Variants in LRMDA observed in about 807,000 individuals in gnomAD.
The protein encoded by LRMDA is leucine rich melanocyte differentiation associated.
LRMDA carries 18 observed loss-of-function variants against 29.8 expected under a neutral mutation model. That is an observed-to-expected ratio of 0.60 (90% CI 0.42 to 0.90). LRMDA has a LOEUF of 0.90. LRMDA is among the 40% of genes least tolerant of loss of function. LRMDA has a pLI of 0.00. For synonymous variants in LRMDA, 125 were observed against 109.4 expected (o/e 1.14, Z -0.89); for missense variants, 273 against 273.9 (o/e 1.00, Z 0.02).
intron 5 of LRMDA, among the ~76,000 whole-genome samples, chr10:76,186,508 G>A (rs1194499771): frequency 1.3e-5 from 2 of 152,208 alleles, no homozygotes; most frequent in East Asian, 3.8e-4. Context: ...TGAGCATTTT[G>A]AGCCCAGGCT....
chr10:76,492,796 T>C (rs11001799), intron 6 of LRMDA, among the ~76,000 whole-genome samples: 38,546 of 151,898 alleles, frequency 0.25, 5,731 homozygotes, highest in Non-Finnish European at 0.34. Flanking sequence ...AAGCCCTTTA[T>C]AAAACCATCA....
chr10:75,732,507 T>C (rs1400693871), intron 2 of LRMDA, among the ~76,000 whole-genome samples: 1 of 152,222 alleles, frequency 6.6e-6, no homozygotes, highest in African/African-American at 2.4e-5. Context: ...TGGAAGTCAA[T>C]TGCAATTTAG....
chr10:76,341,146 G>A (rs560801659), intron 6 of LRMDA, among the ~76,000 whole-genome samples: 2 of 152,250 alleles, frequency 1.3e-5, no homozygotes, highest in African/African-American at 2.4e-5. Flanking sequence ...TGTTGTAGTC[G>A]TTATAGTGTT....
chr10:75,986,666 A>C (rs925514125), intron 2 of LRMDA, among the ~76,000 whole-genome samples: 3 of 152,260 alleles, frequency 2.0e-5, no homozygotes, highest in Admixed American at 6.5e-5. Context: ...CCATCTGGAA[A>C]GACCTGTTAC....
chr10:76,307,675 G>A lies in LRMDA; in HGVS notation c.517-16726G>A, dbSNP rs77300335. 5.4e-3 allele frequency among the ~76,000 whole-genome samples: 824 copies of A among 152,200 alleles called. 6 individuals carry two copies. The highest frequency in any genetic ancestry group is 0.019 in the African/African-American group (792 of 41,506). On this transcript the variant is annotated intron_variant, in intron 5 of 6. Transcript: ENST00000611255. ...AGGCACATAACCCAAAGCAGGCCAC[G>A]GATTCCCAGATTTTGTTGGAACTTA...
At chr10:75,862,691 C>A (rs1589232811) in intron 2 of LRMDA, among the ~76,000 whole-genome samples, 2 of 152,236 alleles carry the variant, frequency 1.3e-5, no homozygotes, top group East Asian at 3.9e-4. Context: ...AATAACTAAA[C>A]CTCCTAGGGT....
intron 2 of LRMDA, among the ~76,000 whole-genome samples, chr10:75,897,528 C>A (rs538733780): frequency 6.6e-6 from 1 of 152,114 alleles, no homozygotes; most frequent in Non-Finnish European, 1.5e-5. Flanking sequence ...TTACCTCTAC[C>A]GAACCTTAGA....
chr10:75,706,861 A>G (rs185569188), intron 2 of LRMDA, among the ~76,000 whole-genome samples: 58 of 152,094 alleles, frequency 3.8e-4, no homozygotes, highest in South Asian at 2.1e-4. Context: ...GTCTAAAGAC[A>G]TGTAGATAGA....
At chr10:76,309,603 T>C (rs986065550) in intron 5 of LRMDA, among the ~76,000 whole-genome samples, 1 of 152,198 alleles carries the variant, frequency 6.6e-6, no homozygotes, top group African/African-American at 2.4e-5. Flanking sequence ...CTCCCTCTTA[T>C]TACTAGGAAT....
intron 2 of LRMDA, among the ~76,000 whole-genome samples, chr10:75,944,991 T>TA (rs796767808): frequency 7.9e-5 from 12 of 152,040 alleles, no homozygotes; most frequent in South Asian, 6.2e-4. Context: ...TACTGGCTTT[T>TA]AAAAAAAACT....
chr10:76,240,763 G>GAGATAGATAGATAGATAGATAGAT (rs55944717), intron 5 of LRMDA, among the ~76,000 whole-genome samples: 1 of 143,986 alleles, frequency 6.9e-6, no homozygotes, highest in Non-Finnish European at 1.5e-5. Flanking sequence ...AAGAAAATGT[G>GAGATAGATAGATAGATAGATAGAT]AGATAGATAG....
chr10:76,003,795 A>G (rs1170333569), intron 2 of LRMDA, among the ~76,000 whole-genome samples: 1 of 152,184 alleles, frequency 6.6e-6, no homozygotes, highest in East Asian at 1.9e-4. Flanking sequence ...CTGGAATATC[A>G]TTTCTTCCTA....
chr10:76,345,118 G>A lies in LRMDA; in HGVS notation c.601+20633G>A, dbSNP rs534862852. Among the ~76,000 whole-genome samples, 437 of 131,844 alleles carry A rather than the reference G, an allele frequency of 3.3e-3. 3 individuals carry two copies. The highest frequency in any genetic ancestry group is 0.012 in the Middle Eastern group (2 of 168). 86.5% of individuals were successfully genotyped at this position (131,844 alleles called of 152,430 possible). On this transcript the variant is annotated intron_variant, in intron 6 of 6. Transcript: ENST00000611255. The stretch of plus-strand genomic sequence containing the variant: ...GTCTCGCTCTGTCGCCCAGGCTGGA[G>A]TGCAGTGGCGCGATCTCGGCTCGCT...
chr10:75,491,614 A>G (rs758942472), intron 2 of LRMDA, among the ~76,000 whole-genome samples: 4 of 152,210 alleles, frequency 2.6e-5, no homozygotes, highest in Non-Finnish European at 5.9e-5. Flanking sequence ...AGGCCTTGTC[A>G]GTGGCTTTTC....
rs141468766 is a variant in LRMDA, at chr10:75,644,603, T to A, written c.131+206109T>A. Among the ~76,000 whole-genome samples the A allele has an allele frequency of 5.3e-3, 800 of 152,274 alleles. 10 individuals carry two copies. The highest frequency in any genetic ancestry group is 0.018 in the African/African-American group (753 of 41,554). On this transcript the variant is annotated intron_variant, in intron 2 of 6. Transcript: ENST00000611255. The stretch of plus-strand genomic sequence containing the variant: ...TTAAATACAGTCACAGCAGGGTGGC[T>A]GAGCCGGCTGGGTTGTGGGTCCAGG...
chr10:75,444,986 C>T (rs533066570), intron 2 of LRMDA, among the ~76,000 whole-genome samples: 74 of 152,248 alleles, frequency 4.9e-4, no homozygotes, highest in Middle Eastern at 3.4e-3. Flanking sequence ...TGCAGTGGAA[C>T]GATCATGACT....
intron 6 of LRMDA, among the ~76,000 whole-genome samples, chr10:76,407,335 TG>T (rs1841913101): frequency 6.6e-6 from 1 of 152,230 alleles, no homozygotes; most frequent in African/African-American, 2.4e-5. Context: ...AAATTTCTAT[TG>T]TTTCATTGAT....
At chr10:76,113,709 C>T (rs1334387668) in intron 5 of LRMDA, among the ~76,000 whole-genome samples, 1 of 152,130 alleles carries the variant, frequency 6.6e-6, no homozygotes, top group African/African-American at 2.4e-5. Context: ...TGTCCCCAGC[C>T]TCCATTTGAT....
chr10:76,380,593 C>T (rs934675517), intron 6 of LRMDA, among the ~76,000 whole-genome samples: 10 of 149,894 alleles, frequency 6.7e-5, no homozygotes, highest in Non-Finnish European at 1.0e-4. Context: ...GGTGTAAACC[C>T]AGGAGGTGGA....
Sources: gnomAD v4.1 joint callset for allele counts (sites outside exome capture counted in the v4.1 genomes callset) on GRCh38, gnomAD v4.1.1 for gene constraint, MANE v1.5 for transcripts, NCBI Gene and HGNC (gene_info 2026-07-23, HGNC 2026-07-21) for gene names.